CLIP2: variants seen among roughly 807,000 people sequenced by gnomAD.
CLIP2 encodes the protein CAP-Gly domain-containing linker protein 2.
A neutral mutation model predicts 111.7 loss-of-function variants in CLIP2; 41 were observed. The ratio of observed to expected loss-of-function variants is 0.37; its 90% CI spans 0.29 to 0.48. CLIP2 has a LOEUF of 0.48. CLIP2 is among the 20% of genes least tolerant of loss of function. CLIP2 has a pLI of 0.99. For missense variants in CLIP2, 1,160 were observed against 1,422.1 expected, an observed-to-expected ratio of 0.82 and a Z score of 2.96; for synonymous variants, 660 against 644.2, an observed-to-expected ratio of 1.02 and a Z score of -0.37.
chr7:74,361,655 C>T (rs1554309818), intron 7 of CLIP2, among the ~76,000 whole-genome samples: 3 of 152,180 alleles, frequency 2.0e-5, no homozygotes. Context: ...GTAACTGGGA[C>T]TACAGGCACA....
intron 15 of CLIP2, among the ~76,000 whole-genome samples, chr7:74,401,108 G>A (rs1791607361): frequency 6.6e-6 from 1 of 151,892 alleles, no homozygotes; most frequent in Admixed American, 6.6e-5. Context: ...GGTCTGAAGG[G>A]GGAGGCAGCT....
chr7:74,403,251 C>T (rs1445935045), intron 16 of CLIP2, among the ~76,000 whole-genome samples: 15 of 150,428 alleles, frequency 1.0e-4, no homozygotes, highest in South Asian at 2.1e-4. Flanking sequence ...GATCCAGCCC[C>T]GTACAGGCAC....
chr7:74,398,460 G>A (rs539950947), intron 14 of CLIP2, among the ~76,000 whole-genome samples: 4 of 152,352 alleles, frequency 2.6e-5, no homozygotes, highest in East Asian at 3.9e-4. Context: ...TATGGAGGGC[G>A]TGGGGTCCAG....
Position 74,376,819 on chromosome 7 carries a change from C to G in CLIP2, c.2418C>G (p.Thr806=). The G allele has an allele frequency of 6.3e-7, 1 of 1,579,408 alleles. No individual in the cohort carries two copies. Residue 806 remains threonine, a synonymous_variant, in exon 10 of 17, where the codon ACC becomes ACG. Transcript: ENST00000223398. This position sits in a 1 kb window ranked among gnomAD's most constrained non-coding sequence, Gnocchi z 7.1. The part of the protein sequence containing the change: ...AVEALCSSQH[T]HMIESNDISE... ...AGGCCCTGTGCTCCTCCCAGCACAC[C>G]CACGTAGGCGCCTGCCCCTCCTGCT... is the stretch of plus-strand genomic sequence containing the variant.
chr7:74,379,946 C>T (rs1186199798), intron 10 of CLIP2: 2 of 149,076 alleles, frequency 1.3e-5, no homozygotes, highest in African/African-American at 4.9e-5. Context: ...GACTCCTTCT[C>T]AAAAAAAAAG....
At chr7:74,346,718 C>CAAA (rs1214324954) in intron 3 of CLIP2, among the ~76,000 whole-genome samples, 1 of 56,002 alleles carries the variant, frequency 1.8e-5, no homozygotes, top group African/African-American at 8.1e-5. Flanking sequence ...GTAAGATTCT[C>CAAA]AAAAAAAAAA....
intron 3 of CLIP2, among the ~76,000 whole-genome samples, chr7:74,346,049 GCTCACTGCACCCTCAAACTC>G (rs1418894596): frequency 6.6e-6 from 1 of 151,970 alleles, no homozygotes; most frequent in Non-Finnish European, 1.5e-5. Context: ...CATGATCCTA[GCTCACTGCACCCTCAAACTC>G]CTGGGTTCAA....
chr7:74,337,344 G>T (rs1392906872), intron 2 of CLIP2, among the ~76,000 whole-genome samples: 2 of 152,100 alleles, frequency 1.3e-5, no homozygotes, highest in Non-Finnish European at 2.9e-5. Flanking sequence ...GAAGTCTGTG[G>T]CTGTGTCCCT....
intron 2 of CLIP2, among the ~76,000 whole-genome samples, chr7:74,325,515 C>G (rs576668845): frequency 1.3e-5 from 2 of 152,218 alleles, no homozygotes; most frequent in East Asian, 3.9e-4. Flanking sequence ...GAAAAACATC[C>G]AGGCAGAGGG....
intron 1 of CLIP2, among the ~76,000 whole-genome samples, chr7:74,298,246 C>T (rs1418550715): frequency 2.6e-5 from 4 of 151,912 alleles, no homozygotes; most frequent in East Asian, 1.9e-4. Flanking sequence ...AGTGCAGTAG[C>T]GTGATCTAAG....
At chr7:74,331,571 T>C (rs1391836012) in intron 2 of CLIP2, among the ~76,000 whole-genome samples, 2 of 134,842 alleles carry the variant, frequency 1.5e-5, no homozygotes, top group African/African-American at 5.6e-5. Flanking sequence ...TCTTTTTTTT[T>C]TTTTTTTTTT....
At chr7:74,390,073 G>A in intron 13 of CLIP2, among the ~76,000 whole-genome samples, 1 of 139,420 alleles carries the variant, frequency 7.2e-6, no homozygotes, top group South Asian at 2.3e-4. Flanking sequence ...GGGCAATAGA[G>A]CAAAACCCTG....
At chr7:74,370,455 CA>C (rs555830727) in intron 8 of CLIP2, among the ~76,000 whole-genome samples, 1,733 of 82,158 alleles carry the variant, frequency 0.021, 22 homozygotes, top group African/African-American at 0.062. Flanking sequence ...GACTCCGTCT[CA>C]AAAAAAAAAA....
At chr7:74,384,689 A>G (rs1584381795) in intron 11 of CLIP2, among the ~76,000 whole-genome samples, 1 of 151,774 alleles carries the variant, frequency 6.6e-6, no homozygotes, top group Non-Finnish European at 1.5e-5. Flanking sequence ...CAATCGATGC[A>G]CCTGCCTCGG....
In CLIP2 at chr7:74,376,584, C is replaced by T. The variant is rs1562719079; in HGVS notation, c.2183C>T (p.Ala728Val). Reference protein sequence around the residue: ...LQEAQDQRRDAELRVHELEKL... With the variant: ...LQEAQDQRRDVELRVHELEKL... ...GAGGCCCAGGACCAGCGCCGGGATG[C>T]CGAGCTGCGTGTGCACGAGCTGGAA... is the stretch of plus-strand genomic sequence containing the variant. Residue 728 changes from alanine to valine, a missense_variant, in exon 10 of 17, where the codon GCC (alanine) becomes GTC (valine). Transcript: ENST00000223398. This position sits in a 1 kb window ranked among gnomAD's most constrained non-coding sequence, Gnocchi z 7.1. The T allele has an allele frequency of 6.2e-7, 1 of 1,611,356 alleles. No homozygotes were observed. Among genetic ancestry groups the T allele is most frequent in the South Asian group, 1.1e-5 (1 of 90,682 alleles).
chr7:74,360,190 G>A lies in CLIP2; in HGVS notation c.1231G>A (p.Glu411Lys), dbSNP rs782384622. The A allele has an allele frequency of 2.4e-5, 38 of 1,605,452 alleles. No individual in the cohort carries two copies. Among genetic ancestry groups the A allele is most frequent in the East Asian group, 4.5e-5 (2 of 44,644 alleles). Reference protein sequence around the residue: ...AQHEQYVAEAEEKLQRARLLV... With the variant: ...AQHEQYVAEAKEKLQRARLLV... ...GGGGGCCCAGTATGTTGCAGAAGCC[G>A]AGGAGAAGCTGCAGCGAGCCCGGCT... Residue 411 changes from glutamate (E) to lysine (K), a missense_variant, in exon 7 of 17, where the codon GAG (glutamate) becomes AAG (lysine). Physicochemically the swap from Glu to Lys is moderately conservative, Grantham distance 56 (BLOSUM62 1). Transcript: ENST00000223398.
At chr7:74,386,632 C>CG in intron 12 of CLIP2, 28 bp downstream of exon 12, 2 of 1,559,688 alleles carry the variant, frequency 1.3e-6, no homozygotes, top group South Asian at 1.2e-5. Context: ...AGGGCAGATG[C>CG]GGGGGGCTTT....
Position 74,356,447 on chromosome 7 carries a change from C to T in CLIP2, c.841C>T (p.Pro281Ser), listed in dbSNP as rs1554308480. The change falls in exon 5 of 17, where the codon CCC becomes TCC. Residue 281 changes from proline (P) to serine (S), a missense_variant. Pro to Ser is a moderately conservative substitution (Grantham distance 74, BLOSUM62 -1). Around this residue, in one of 5 missense-constraint regions of CLIP2, gnomAD observed 110 missense variants for 185.2 expected, o/e 0.59. Transcript: ENST00000223398. The stretch of plus-strand genomic sequence containing the variant: ...CCCACCCAAGTTTGGTCTCTTCGCG[C>T]CCATCCACAAAGTGATCCGTATCGG... ...QCPPKFGLFA[P>S]IHKVIRIGFP... is the part of the protein sequence containing the mutation. 1.9e-6 allele frequency: 3 copies of T among 1,614,108 alleles called. No homozygotes were observed.
intron 6 of CLIP2, among the ~76,000 whole-genome samples, chr7:74,358,102 A>G (rs1234813397): frequency 8.1e-6 from 1 of 122,924 alleles, no homozygotes; most frequent in Non-Finnish European, 1.7e-5. Context: ...CCCAGGCTGG[A>G]GGGCAGTGGT....
Sources: gnomAD v4.1 joint callset for allele counts (sites outside exome capture counted in the v4.1 genomes callset) on GRCh38, gnomAD v4.1.1 for gene constraint, gnomAD v4.1.1 regional missense constraint, Gnocchi (gnomAD v3.1) non-coding constraint, MANE v1.5 for transcripts, NCBI Gene and HGNC (gene_info 2026-07-23, HGNC 2026-07-21) for gene names.